Variants in SH3RF1 observed in about 807,000 individuals in gnomAD.
SH3RF1 encodes E3 ubiquitin-protein ligase SH3RF1.
SH3RF1 carries 32 observed loss-of-function variants against 74.0 expected under a neutral mutation model. The observed-to-expected ratio is 0.43, with a 90% CI of 0.33 to 0.58. The LOEUF (loss-of-function observed/expected upper bound fraction) is 0.58, where lower values mean the gene tolerates loss of function less well. Ranked by LOEUF, SH3RF1 falls within the 20% of genes least tolerant of loss-of-function variation. The pLI is 0.05. For synonymous variants in SH3RF1, 396 were observed against 439.6 expected (o/e 0.90, Z 1.24); for missense variants, 954 against 1,130.9 (o/e 0.84, Z 2.24).
chr4:169,150,778 C>T (rs992442075), intron 4 of SH3RF1, among the ~76,000 whole-genome samples: 9 of 152,106 alleles, frequency 5.9e-5, no homozygotes, highest in Non-Finnish European at 1.0e-4. Context: ...CTGAAACCAA[C>T]GCCCTGTGGA....
chr4:169,162,475 C>A (rs35270296), intron 2 of SH3RF1, among the ~76,000 whole-genome samples: 5,702 of 152,234 alleles, frequency 0.037, 120 homozygotes, highest in African/African-American at 0.055. Context: ...TTCATTTGTT[C>A]TTTCCTTTAA....
intron 2 of SH3RF1, among the ~76,000 whole-genome samples, chr4:169,227,449 G>A (rs1452759134): frequency 1.3e-5 from 2 of 152,128 alleles, no homozygotes. Flanking sequence ...ACTATCCATG[G>A]ACTACAAAAA....
chr4:169,255,104 TCAA>T (rs892166928), intron 2 of SH3RF1, among the ~76,000 whole-genome samples: 1 of 152,174 alleles, frequency 6.6e-6, no homozygotes, highest in African/African-American at 2.4e-5. Flanking sequence ...TAAGTTTGTA[TCAA>T]CAAGCTTTTG....
intron 4 of SH3RF1, among the ~76,000 whole-genome samples, chr4:169,152,334 T>C (rs182687648): frequency 5.3e-5 from 8 of 152,272 alleles, no homozygotes; most frequent in Admixed American, 4.6e-4. Flanking sequence ...TCCAGGGCCA[T>C]TTATATAGCC....
chr4:169,171,483 T>C (rs2126973407), intron 2 of SH3RF1, among the ~76,000 whole-genome samples: 1 of 152,226 alleles, frequency 6.6e-6, no homozygotes, highest in Non-Finnish European at 1.5e-5. Context: ...AAGTGAAAAA[T>C]TCTAAAAGAT....
chr4:169,156,308 AT>A (rs35455310), intron 3 of SH3RF1, 95 bp downstream of exon 3: 402,806 of 1,339,640 alleles, frequency 0.3, 60,789 homozygotes, highest in African/African-American at 0.4. Flanking sequence ...CAAAACTTGT[AT>A]TTTTTTTTGC....
rs751934677 is a variant in SH3RF1 at position 169,106,942 on chromosome 4, G to C, written c.2403C>G (p.Ser801=). ...AQDAFHRKAS[S]LDSAVPIAPP... ...GAGCGATGGGAACTGCGGAGTCCAG[G>C]GAACTTGCCTTCCTATGAAAAGCAT... is the stretch of plus-strand genomic sequence containing the variant. The change falls in exon 11 of 12, where the codon TCC becomes TCG. Residue 801 remains serine, a synonymous_variant. Coordinates refer to ENST00000284637, the MANE Select transcript of SH3RF1 (RefSeq NM_020870.4). 6 of 1,613,864 alleles carry C rather than the reference G, an allele frequency of 3.7e-6. No individual in the cohort carries two copies. The highest frequency in any genetic ancestry group is 5.1e-6 in the Non-Finnish European group (6 of 1,180,030).
chr4:169,227,418 A>G (rs1338993421), intron 2 of SH3RF1, among the ~76,000 whole-genome samples: 2 of 152,240 alleles, frequency 1.3e-5, no homozygotes, highest in Admixed American at 1.3e-4. Flanking sequence ...ACTGATAGGT[A>G]CATGACAAAG....
At chr4:169,097,667 T>C (rs952247452) in intron 11 of SH3RF1, among the ~76,000 whole-genome samples, 1 of 152,146 alleles carries the variant, frequency 6.6e-6, no homozygotes, top group African/African-American at 2.4e-5. Context: ...AAAAGAATGG[T>C]GGTGTATGGT....
intron 7 of SH3RF1, 50 bp downstream of exon 7, chr4:169,122,050 A>T: frequency 6.3e-7 from 1 of 1,596,154 alleles, no homozygotes; most frequent in African/African-American, 1.3e-5. Flanking sequence ...TGAGGTTTGG[A>T]CTTCGTTTAA....
intron 2 of SH3RF1, among the ~76,000 whole-genome samples, chr4:169,257,373 T>C (rs1056767796): frequency 5.3e-5 from 8 of 152,240 alleles, no homozygotes; most frequent in Non-Finnish European, 8.8e-5. Context: ...GGTAAACTTA[T>C]GGCCCTGTTC....
chr4:169,236,841 T>C (rs1472827468), intron 2 of SH3RF1, among the ~76,000 whole-genome samples: 2 of 152,142 alleles, frequency 1.3e-5, no homozygotes, highest in African/African-American at 4.8e-5. Context: ...GGCTAACAAA[T>C]AATTCACTGA....
intron 4 of SH3RF1, among the ~76,000 whole-genome samples, chr4:169,151,629 T>C (rs758671950): frequency 6.6e-6 from 1 of 152,156 alleles, no homozygotes; most frequent in Non-Finnish European, 1.5e-5. Context: ...AAATGAGAAA[T>C]GTAGCCCTTG....
chr4:169,182,451 A>G (rs1279098790), intron 2 of SH3RF1, among the ~76,000 whole-genome samples: 2 of 152,192 alleles, frequency 1.3e-5, no homozygotes, highest in Admixed American at 6.5e-5. Flanking sequence ...TAATTTCTTA[A>G]TTGCCTAGAA....
At chr4:169,204,146 G>A in intron 2 of SH3RF1, 1 of 152,102 alleles carries the variant, frequency 6.6e-6, no homozygotes, top group Non-Finnish European at 1.5e-5. Context: ...ATGAGATGAG[G>A]TAAACCAAAA....
chr4:169,138,300 T>C (rs1279906917), intron 4 of SH3RF1, among the ~76,000 whole-genome samples: 1 of 152,086 alleles, frequency 6.6e-6, no homozygotes, highest in Non-Finnish European at 1.5e-5. Context: ...AGGGGTAGGG[T>C]CCTCTTTCCT....
intron 4 of SH3RF1, 66 bp downstream of exon 4, chr4:169,155,414 G>T: frequency 1.6e-6 from 2 of 1,252,962 alleles, no homozygotes; most frequent in African/African-American, 1.5e-5. Flanking sequence ...TACTCAAATT[G>T]CATAATTAAG....
intron 11 of SH3RF1, among the ~76,000 whole-genome samples, chr4:169,098,484 G>C (rs1732966239): frequency 6.6e-6 from 1 of 152,158 alleles, no homozygotes; most frequent in Non-Finnish European, 1.5e-5. Context: ...CACAGCAAGA[G>C]TCCCAGACTA....
At chr4:169,151,670 T>C (rs962165764) in intron 4 of SH3RF1, among the ~76,000 whole-genome samples, 2 of 152,184 alleles carry the variant, frequency 1.3e-5, no homozygotes, top group African/African-American at 2.4e-5. Flanking sequence ...GTAAGAATAG[T>C]TGTCTATGAG....
Sources: gnomAD v4.1 joint callset for allele counts (sites outside exome capture counted in the v4.1 genomes callset) on GRCh38, gnomAD v4.1.1 for gene constraint, MANE v1.5 for transcripts, NCBI Gene and HGNC (gene_info 2026-07-23, HGNC 2026-07-21) for gene names.